The following ZNF780B variants were observed in gnomAD, a reference collection of about 807,000 sequenced individuals.
ZNF780B encodes zinc finger protein 779.
A neutral mutation model predicts 74.1 loss-of-function variants in ZNF780B; 52 were observed. The observed-to-expected ratio is 0.70, with a 90% confidence interval of 0.56 to 0.88. ZNF780B has a LOEUF of 0.88. Among genes scored for constraint, ZNF780B ranks in the 40% least tolerant of loss-of-function variants. ZNF780B has a pLI of 0.00. For missense variants in ZNF780B, 953 were observed against 1,007.6 expected (o/e 0.95, Z 0.73); for synonymous variants, 315 against 324.3 (o/e 0.97, Z 0.31).
At chr19:40,037,877 C>CTT (rs537508973) in intron 4 of ZNF780B, among the ~76,000 whole-genome samples, 9 of 135,270 alleles carry the variant, frequency 6.7e-5, no homozygotes, top group African/African-American at 1.6e-4. Flanking sequence ...TCCAACTCCT[C>CTT]TTTTTTTTTT....
intron 4 of ZNF780B, among the ~76,000 whole-genome samples, chr19:40,045,115 T>TA (rs1336692994): frequency 6.6e-6 from 1 of 152,204 alleles, no homozygotes; most frequent in Non-Finnish European, 1.5e-5. Context: ...GGTCATCATA[T>TA]AATGATAAAG....
chr19:40,041,486 G>T (rs185797157), intron 4 of ZNF780B, among the ~76,000 whole-genome samples: 3 of 152,274 alleles, frequency 2.0e-5, no homozygotes, highest in Admixed American at 2.0e-4. Flanking sequence ...TCGTTGATCT[G>T]TCTGATGTTG....
In ZNF780B at chr19:40,034,638, C is replaced by A. The variant is rs746682107; in HGVS notation, c.2221G>T (p.Ala741Ser). 59 of 1,612,804 alleles carry A rather than the reference C, an allele frequency of 3.7e-5. 1 individual carries two copies. Among genetic ancestry groups the A allele is most frequent in the Non-Finnish European group, 3.1e-5 (36 of 1,179,672 alleles). The stretch of plus-strand genomic sequence containing the variant: ...CCAGTATGAATGATCTGATGTTGAG[C>A]AAGCTGTGTCAGAAGACCAAAGGCC... Reference protein sequence around the residue: ...GKAFGLLTQLAQHQIIHTGEK... With the variant: ...GKAFGLLTQLSQHQIIHTGEK... The change falls in exon 5 of 5, where the codon GCT (alanine) becomes TCT (serine). Residue 741 changes from alanine (A) to serine (S), a missense_variant. Coordinates refer to ENST00000434248, the MANE Select transcript of ZNF780B (RefSeq NM_001005851.3).
At chr19:40,044,453 TGAGA>T (rs1315887627) in intron 4 of ZNF780B, among the ~76,000 whole-genome samples, 1 of 152,016 alleles carries the variant, frequency 6.6e-6, no homozygotes, top group Non-Finnish European at 1.5e-5. Flanking sequence ...CAGAGAGAAA[TGAGA>T]GAGAATGTGA....
chr19:40,052,966 A>T (rs974426800), intron 1 of ZNF780B, among the ~76,000 whole-genome samples: 1 of 152,222 alleles, frequency 6.6e-6, no homozygotes, highest in Non-Finnish European at 1.5e-5. Context: ...TAAATGTAAG[A>T]TCCCAAACTA....
chr19:40,044,177 A>G (rs1369845661), intron 4 of ZNF780B, among the ~76,000 whole-genome samples: 1 of 152,224 alleles, frequency 6.6e-6, no homozygotes, highest in East Asian at 1.9e-4. Context: ...TTGAGGTCCT[A>G]GAGACAAAGA....
chr19:40,049,252 A>C (rs2144819036), intron 2 of ZNF780B, among the ~76,000 whole-genome samples: 1 of 151,408 alleles, frequency 6.6e-6, no homozygotes, highest in East Asian at 1.9e-4. Flanking sequence ...AAAAAAAAAA[A>C]AAAAAAAGGT....
In ZNF780B at chr19:40,035,739, T is replaced by C. The variant is rs1171761888; in HGVS notation, c.1120A>G (p.Asn374Asp). ...ATATTCTTATGGCGATTAAGCTGAT[T>C]GAGGAGACTAAAGGCCTTCCCGCAT... is the stretch of plus-strand genomic sequence containing the variant. ...RECGKAFSLL[N>D]QLNRHKNIHT... The change falls in exon 5 of 5, where the codon AAT (asparagine) becomes GAT (aspartate). Residue 374 changes from asparagine (N) to aspartate (D), a missense_variant. Transcript: ENST00000434248. The C allele has an allele frequency of 8.7e-6, 14 of 1,613,960 alleles. No individual in the cohort carries two copies. The highest frequency in any genetic ancestry group is 1.2e-5 in the Non-Finnish European group (14 of 1,180,012).
Position 40,035,200 on chromosome 19 carries a change from A to G in ZNF780B, c.1659T>C (p.Gly553=). ...ATTCCTTACATTCAAAGGGTTTCTCACCTGTATGAGTTTTCTCATGTTGAG... is the reference window on the plus strand; with the variant it reads ...ATTCCTTACATTCAAAGGGTTTCTCGCCTGTATGAGTTTTCTCATGTTGAG... The part of the protein sequence containing the change: ...QLSQHEKTHT[G]EKPFECKECG... The change falls in exon 5 of 5, where the codon GGT becomes GGC. Residue 553 remains glycine, a synonymous_variant. Transcript: ENST00000434248. The G allele has an allele frequency of 6.2e-7, 1 of 1,614,068 alleles. No homozygotes were observed. The highest frequency in any genetic ancestry group is 8.5e-7 in the Non-Finnish European group (1 of 1,180,006).
Position 40,035,722 on chromosome 19 carries a change from A to G in ZNF780B, c.1137T>C (p.His379=). 6.2e-7 allele frequency: 1 copy of G among 1,614,126 alleles called. No homozygotes were observed. The highest frequency in any genetic ancestry group is 8.5e-7 in the Non-Finnish European group (1 of 1,180,022). The change falls in exon 5 of 5, where the codon CAT becomes CAC. Residue 379 remains histidine (H), a synonymous_variant. Coordinates refer to ENST00000434248, the MANE Select transcript of ZNF780B (RefSeq NM_001005851.3). The part of the protein sequence containing the change: ...AFSLLNQLNR[H]KNIHTGEKPF... Reference sequence around the variant, plus strand: ...GTTTTTCACCTGTGTGAATATTCTTATGGCGATTAAGCTGATTGAGGAGAC... The same window carrying G: ...GTTTTTCACCTGTGTGAATATTCTTGTGGCGATTAAGCTGATTGAGGAGAC...
rs1389602770 is a variant in ZNF780B, at chr19:40,031,980, A to G, written c.*2377T>C. 1 of 440,144 alleles carries G rather than the reference A, an allele frequency of 2.3e-6. No individual in the cohort carries two copies. Among genetic ancestry groups the G allele is most frequent in the Non-Finnish European group, 4.5e-6 (1 of 222,198 alleles). The allele number at this position is 440,144 out of a possible 1,614,324, so 27.3% of individuals were successfully genotyped here. A position where few individuals can be genotyped will look rare whatever the true frequency, so the allele number is the denominator to read the frequency against. The stretch of plus-strand genomic sequence containing the variant: ...ATGTTTTCTGACAGTACAATATGAC[A>G]TAGAAATAACCTACAAAGTATTCTT... On this transcript the variant is annotated 3_prime_UTR_variant, in exon 5 of 5. Coordinates refer to ENST00000434248, the MANE Select transcript of ZNF780B (RefSeq NM_001005851.3).
In ZNF780B at chr19:40,034,124, T is replaced by A; in HGVS notation, c.*233A>T. ...TAGGGTTTCTCATCAGTATGAATTT[T>A]AACATGTTTAACAGGTTTGAACTAT... On this transcript the variant is annotated 3_prime_UTR_variant, in exon 5 of 5. Transcript: ENST00000434248. 1 of 599,290 alleles carries A rather than the reference T, an allele frequency of 1.7e-6. No individual in the cohort carries two copies. Among genetic ancestry groups the A allele is most frequent in the South Asian group, 2.1e-5 (1 of 47,802 alleles). 37.1% of individuals were successfully genotyped at this position (599,290 alleles called of 1,614,324 possible). A position where few individuals can be genotyped will look rare whatever the true frequency, so the allele number is the denominator to read the frequency against.
chr19:40,048,232 C>A (rs1599790878), intron 3 of ZNF780B, among the ~76,000 whole-genome samples: 1 of 152,234 alleles, frequency 6.6e-6, no homozygotes, highest in Middle Eastern at 3.4e-3. Flanking sequence ...GCAGCCTTGA[C>A]CTCCCAGGTT....
At position 40,042,808 on chromosome 19, in the gene ZNF780B, T is replaced by A. The variant is rs55762434; in HGVS notation, c.232+4567A>T. On this transcript the variant is annotated intron_variant, in intron 4 of 4. Transcript: ENST00000434248. Reference sequence around the variant, plus strand: ...TATTCTAGTTATCCATTCGTCTAATTTTTTTTCATAGTTTTTAACTTTTTT... The same window carrying A: ...TATTCTAGTTATCCATTCGTCTAATATTTTTTCATAGTTTTTAACTTTTTT... Among the ~76,000 whole-genome samples, 682 of 152,168 alleles carry A rather than the reference T, an allele frequency of 4.5e-3. 7 individuals are homozygous for A. The highest frequency in any genetic ancestry group is 0.016 in the African/African-American group (657 of 41,540).
chr19:40,054,958 G>C (rs1274969802), intron 1 of ZNF780B, among the ~76,000 whole-genome samples: 1 of 152,162 alleles, frequency 6.6e-6, no homozygotes, highest in East Asian at 1.9e-4. Context: ...GAAAAATCCT[G>C]ACTCTGGTTG....
chr19:40,052,083 G>A (rs1292194768), intron 1 of ZNF780B, among the ~76,000 whole-genome samples: 2 of 152,098 alleles, frequency 1.3e-5, no homozygotes, highest in Non-Finnish European at 2.9e-5. Context: ...AATTTGCTTA[G>A]TGATTTCCAT....
In ZNF780B at chr19:40,051,342, A is replaced by C. The variant is rs180820124; in HGVS notation, c.-45-965T>G. 3.1e-3 allele frequency among the ~76,000 whole-genome samples: 466 copies of C among 152,272 alleles called. 3 individuals are homozygous for C. The highest frequency in any genetic ancestry group is 0.014 in the Middle Eastern group (4 of 294). On this transcript the variant is annotated intron_variant, in intron 1 of 4. Transcript: ENST00000434248. ...AATTGTTCTCCAAATTAGATGAAAG[A>C]CATCTTTTATTTAGACATTTTCCTT...
chr19:40,043,449 C>T (rs928588404), intron 4 of ZNF780B, among the ~76,000 whole-genome samples: 1 of 152,224 alleles, frequency 6.6e-6, no homozygotes, highest in Non-Finnish European at 1.5e-5. Context: ...TCAAAGCTGT[C>T]AGACAGGGAC....
rs372977244 is a variant in ZNF780B at position 40,034,741 on chromosome 19, A to G, written c.2118T>C (p.Phe706=). 54 of 1,613,898 alleles carry G rather than the reference A, an allele frequency of 3.3e-5. No homozygotes were observed. In the African/African-American group the frequency reaches 6.9e-4, roughly 21 times the overall value. ...PFVCKECRKT[F]RYHYQLTEHY... ...GTTCAGTAAGCTGGTAATGATATCT[A>G]AAGGTCTTCCTACACTCCTTACATA... The change falls in exon 5 of 5, where the codon TTT becomes TTC. Residue 706 remains phenylalanine (F), a synonymous_variant. Coordinates refer to ENST00000434248, the MANE Select transcript of ZNF780B (RefSeq NM_001005851.3).
Sources: gnomAD v4.1 joint callset for allele counts (sites outside exome capture counted in the v4.1 genomes callset) on GRCh38, gnomAD v4.1.1 for gene constraint, MANE v1.5 for transcripts, NCBI Gene and HGNC (gene_info 2026-07-23, HGNC 2026-07-21) for gene names.